PACRG: variants seen among roughly 807,000 people sequenced by gnomAD.
PACRG encodes parkin coregulated, also known as parkin coregulated gene protein.
A neutral mutation model predicts 29.7 loss-of-function variants in PACRG; 29 were observed. The ratio of observed to expected loss-of-function variants is 0.98; its 90% CI spans 0.73 to 1.33. The LOEUF (loss-of-function observed/expected upper bound fraction) is 1.33, where lower values mean the gene tolerates loss of function less well. Among genes scored for constraint, PACRG ranks in the 40% most tolerant of loss-of-function variants. PACRG has a pLI of 0.00. For missense variants in PACRG, 279 were observed against 316.2 expected, an observed-to-expected ratio of 0.88 and a Z score of 0.89; for synonymous variants, 116 against 118.7, an observed-to-expected ratio of 0.98 and a Z score of 0.15.
At chr6:162,787,072 G>A (rs1458109856) in intron 1 of PACRG, among the ~76,000 whole-genome samples, 1 of 152,104 alleles carries the variant, frequency 6.6e-6, no homozygotes, top group African/African-American at 2.4e-5. Flanking sequence ...ATAAATATGT[G>A]ATCTGCCCTC....
rs1479187468 is a variant in PACRG at position 163,269,846 on chromosome 6, A to G, written c.614-44981A>G. Among the ~76,000 whole-genome samples the G allele has an allele frequency of 1.6e-3, 123 of 76,962 alleles. 9 individuals are homozygous for G. Among genetic ancestry groups the G allele is most frequent in the African/African-American group, 7.6e-3 (118 of 15,484 alleles). 50.5% of individuals were successfully genotyped at this position (76,962 alleles called of 152,430 possible). On this transcript the variant is annotated intron_variant, in intron 4 of 4. Coordinates refer to ENST00000366888, the MANE Select transcript of PACRG (RefSeq NM_001080379.2). ...GAGAAAGAAAGAAAGAAAAAGAAAGAAAGAAAGAAAGAGAAAGAAAGAGAA... is the reference window on the plus strand; with the variant it reads ...GAGAAAGAAAGAAAGAAAAAGAAAGGAAGAAAGAAAGAGAAAGAAAGAGAA...
chr6:163,226,126 G>A (rs964158940), intron 4 of PACRG, among the ~76,000 whole-genome samples: 23 of 152,170 alleles, frequency 1.5e-4, no homozygotes, highest in African/African-American at 5.5e-4. Flanking sequence ...CAAAAACTGC[G>A]TGATCTCACT....
chr6:163,097,616 G>A (rs947773617), intron 4 of PACRG, among the ~76,000 whole-genome samples: 2 of 152,198 alleles, frequency 1.3e-5, no homozygotes, highest in African/African-American at 4.8e-5. Flanking sequence ...GGAGACATAA[G>A]ACATCAATCG....
Position 163,067,183 on chromosome 6 carries a change from G to A in PACRG, c.463+4862G>A, listed in dbSNP as rs151326961. On this transcript the variant is annotated intron_variant, in intron 3 of 4. Coordinates refer to ENST00000366888, the MANE Select transcript of PACRG (RefSeq NM_001080379.2). The stretch of plus-strand genomic sequence containing the variant: ...CTTCAGTATGCATCCGCGGACCTTG[G>A]TAAAATGCAGGCTCCAGATCAGCAG... Among the ~76,000 whole-genome samples the A allele has an allele frequency of 6.2e-3, 951 of 152,278 alleles. 5 individuals carry two copies. The highest frequency in any genetic ancestry group is 0.016 in the African/African-American group (664 of 41,546).
At chr6:163,258,346 C>T (rs1378755666) in intron 4 of PACRG, among the ~76,000 whole-genome samples, 1 of 152,132 alleles carries the variant, frequency 6.6e-6, no homozygotes, top group African/African-American at 2.4e-5. Flanking sequence ...GTGGAATATA[C>T]CTTCCAGCAG....
intron 1 of PACRG, among the ~76,000 whole-genome samples, chr6:162,752,690 A>G (rs1030806353): frequency 6.6e-6 from 1 of 152,190 alleles, no homozygotes; most frequent in African/African-American, 2.4e-5. Context: ...TTAGCTCTAG[A>G]GTGTTGAGGA....
intron 2 of PACRG, 164 bp downstream of exon 2, chr6:162,814,445 C>T (rs1787152836): frequency 2.7e-6 from 2 of 754,046 alleles, no homozygotes; most frequent in South Asian, 2.6e-5. Context: ...CAGCCATCCA[C>T]CTTGACTAAC....
intron 4 of PACRG, among the ~76,000 whole-genome samples, chr6:163,229,114 C>G (rs1781921632): frequency 6.6e-6 from 1 of 152,126 alleles, no homozygotes; most frequent in African/African-American, 2.4e-5. Flanking sequence ...AGTCCCAATG[C>G]TCTGGGAGGC....
At chr6:163,029,177 C>T (rs1488526386) in intron 2 of PACRG, among the ~76,000 whole-genome samples, 3 of 151,994 alleles carry the variant, frequency 2.0e-5, no homozygotes, top group East Asian at 1.9e-4. Flanking sequence ...TCCTGGAGGC[C>T]GAAAAGATAA....
chr6:162,880,443 A>G (rs1458575025), intron 2 of PACRG, among the ~76,000 whole-genome samples: 1 of 151,972 alleles, frequency 6.6e-6, no homozygotes, highest in Non-Finnish European at 1.5e-5. Flanking sequence ...AGAGCAAAGG[A>G]ACAACAACAA....
chr6:163,313,055 ATCTC>A (rs149515340), intron 4 of PACRG, among the ~76,000 whole-genome samples: 405 of 147,812 alleles, frequency 2.7e-3, no homozygotes, highest in Middle Eastern at 0.018. Context: ...TGTATCCAGC[ATCTC>A]TCTCTCTCTC....
chr6:163,189,593 C>T (rs1780108742), intron 4 of PACRG: 1 of 152,202 alleles, frequency 6.6e-6, no homozygotes, highest in African/African-American at 2.4e-5. Flanking sequence ...GCTAGTTTCT[C>T]CCGTGTTCTC....
chr6:162,969,846 T>C (rs1801377876), intron 2 of PACRG, among the ~76,000 whole-genome samples: 1 of 152,216 alleles, frequency 6.6e-6, no homozygotes, highest in African/African-American at 2.4e-5. Flanking sequence ...ATGAGTGTTA[T>C]TCATGTAGCA....
chr6:163,124,220 A>G (rs1352984452), intron 4 of PACRG, among the ~76,000 whole-genome samples: 3 of 152,216 alleles, frequency 2.0e-5, no homozygotes, highest in African/African-American at 7.2e-5. Flanking sequence ...TGGTTTGCAA[A>G]TATGTTCTCC....
intron 2 of PACRG, among the ~76,000 whole-genome samples, chr6:162,815,385 A>G (rs1049366109): frequency 6.6e-6 from 1 of 150,668 alleles, no homozygotes; most frequent in East Asian, 1.9e-4. Flanking sequence ...AGACACATTG[A>G]AAGGATTATT....
chr6:162,784,489 A>ATAAGC (rs1346172820), intron 1 of PACRG, among the ~76,000 whole-genome samples: 3 of 152,202 alleles, frequency 2.0e-5, no homozygotes, highest in African/African-American at 7.2e-5. Flanking sequence ...TGATCCAAAA[A>ATAAGC]TAAGCTTGTA....
chr6:162,939,109 A>G (rs969792112), intron 2 of PACRG, among the ~76,000 whole-genome samples: 1 of 152,218 alleles, frequency 6.6e-6, no homozygotes, highest in African/African-American at 2.4e-5. Context: ...ATAAATCTGA[A>G]TACTTACAGC....
intron 2 of PACRG, among the ~76,000 whole-genome samples, chr6:163,029,955 C>T (rs902286106): frequency 5.9e-5 from 9 of 151,926 alleles, no homozygotes; most frequent in Admixed American, 2.0e-4. Flanking sequence ...TAATTGTGAA[C>T]AAGAGAGGGT....
At chr6:163,218,733 C>T (rs902613571) in intron 4 of PACRG, among the ~76,000 whole-genome samples, 1 of 152,244 alleles carries the variant, frequency 6.6e-6, no homozygotes, top group Non-Finnish European at 1.5e-5. Context: ...CCCTCATCTC[C>T]TGGGCTGGCT....
Sources: allele counts gnomAD v4.1 joint callset (sites outside exome capture counted in the v4.1 genomes callset), GRCh38; gene constraint gnomAD v4.1.1; transcripts MANE v1.5; gene names NCBI Gene and HGNC (gene_info 2026-07-23, HGNC 2026-07-21).